Variants in CREM observed in about 807,000 individuals in gnomAD.
CREM encodes cAMP-responsive element modulator.
A neutral mutation model predicts 37.3 loss-of-function variants in CREM; 13 were observed. The observed-to-expected ratio is 0.35, with a 90% CI of 0.23 to 0.55. CREM has a LOEUF of 0.55. Among genes scored for constraint, CREM ranks in the 20% least tolerant of loss-of-function variants. The pLI is 0.88. For missense variants in CREM, 296 were observed against 362.3 expected (o/e 0.82, Z 1.49); for synonymous variants, 124 against 120.2 (o/e 1.03, Z -0.21).
intron 7 of CREM, 93 bp downstream of exon 7, chr10:35,207,144 G>C (rs993762391): frequency 2.2e-6 from 3 of 1,362,422 alleles, no homozygotes; most frequent in East Asian, 5.2e-5. Context: ...TGTAATCCCA[G>C]CACTTTGGGA....
At chr10:35,175,704 T>C (rs1564882616) in intron 3 of CREM, 3 of 1,614,126 alleles carry the variant, frequency 1.9e-6, no homozygotes, top group Non-Finnish European at 2.5e-6. Context: ...CACCTCCCGA[T>C]GGTAAGTATC....
rs34532646 is a variant in CREM at position 35,185,106 on chromosome 10, CTT to C, written c.410-3079_410-3078del. Among the ~76,000 whole-genome samples the C allele has an allele frequency of 1.1e-3, 150 of 135,366 alleles. 1 individual carries two copies. The highest frequency in any genetic ancestry group is 2.3e-3 in the African/African-American group (87 of 37,124). 88.8% of individuals were successfully genotyped at this position (135,366 alleles called of 152,430 possible). On this transcript the variant is annotated intron_variant, in intron 5 of 7. Transcript: ENST00000685392. ...CTGCTCTGTTCTAGGCTTTGTACTT[CTT>C]TTTTTTTTTTTTTTGAGACGGAGTT...
At chr10:35,194,412 A>T (rs983801310) in intron 6 of CREM, among the ~76,000 whole-genome samples, 1 of 152,234 alleles carries the variant, frequency 6.6e-6, no homozygotes, top group African/African-American at 2.4e-5. Flanking sequence ...TGGGAAAATA[A>T]GGTATTAGAT....
intron 3 of CREM, among the ~76,000 whole-genome samples, chr10:35,160,584 T>A (rs2093229559): frequency 6.6e-6 from 1 of 152,218 alleles, no homozygotes. Context: ...ATTTTTTTGC[T>A]ATTGTAGACT....
intron 3 of CREM, among the ~76,000 whole-genome samples, chr10:35,168,677 C>G (rs143704192): frequency 0.15 from 22,955 of 152,196 alleles, 1,958 homozygotes; most frequent in East Asian, 0.24. Context: ...TTGCCCATGC[C>G]TATGTCCTGA....
rs773162211 is a variant in CREM at position 35,211,404 on chromosome 10, T to G, written c.*6T>G. 3 of 1,611,762 alleles carry G rather than the reference T, an allele frequency of 1.9e-6. No homozygotes were observed. The highest frequency in any genetic ancestry group is 1.3e-5 in the African/African-American group (1 of 74,798). On this transcript the variant is annotated 3_prime_UTR_variant, in exon 8 of 8. Coordinates refer to ENST00000685392, the MANE Select transcript of CREM (RefSeq NM_183011.2). ...ATTGCCATAAAGTAGAGTAACTGTC[T>G]TTGACTTGGACCTTGTTTACTCTAA... is the stretch of plus-strand genomic sequence containing the variant.
At position 35,187,210 on chromosome 10, in the gene CREM, T is replaced by A. The variant is rs182895508; in HGVS notation, c.410-990T>A. On this transcript the variant is annotated intron_variant, in intron 5 of 7. Coordinates refer to ENST00000685392, the MANE Select transcript of CREM (RefSeq NM_183011.2). ...AAATATATTAATATATAATATATATTATATATTTATATATATAAAATATAT... is the reference window on the plus strand; with the variant it reads ...AAATATATTAATATATAATATATATAATATATTTATATATATAAAATATAT... Among the ~76,000 whole-genome samples, 110 of 104,584 alleles carry A rather than the reference T, an allele frequency of 1.1e-3. 1 individual carries two copies. In the East Asian group the frequency reaches 0.016, roughly 15 times the overall value. 68.6% of individuals were successfully genotyped at this position (104,584 alleles called of 152,430 possible).
intron 1 of CREM, among the ~76,000 whole-genome samples, chr10:35,135,722 A>G (rs1324338219): frequency 0.017 from 79 of 4,754 alleles, 1 homozygote; most frequent in African/African-American, 0.029. Flanking sequence ...CTATTTCTGG[A>G]AAAAAAAAAA....
rs368889619 is a variant in CREM, at chr10:35,201,526, C to A, written c.599-5369C>A. On this transcript the variant is annotated intron_variant, in intron 6 of 7. Transcript: ENST00000685392. ...TGGACTAGAACCCAGACTCCAAACC[C>A]CATGCTTTTTCTGCTGTACCGTGTT... is the stretch of plus-strand genomic sequence containing the variant. 43 of 1,551,408 alleles carry A rather than the reference C, an allele frequency of 2.8e-5. No individual in the cohort carries two copies. In the African/African-American group the frequency reaches 5.5e-4, roughly 20 times the overall value.
chr10:35,186,825 T>A (rs1366950235), intron 5 of CREM, among the ~76,000 whole-genome samples: 2 of 119,822 alleles, frequency 1.7e-5, no homozygotes. Flanking sequence ...ATAACATATA[T>A]ACATATATAG....
At chr10:35,187,788 A>G (rs1401916308) in intron 5 of CREM, among the ~76,000 whole-genome samples, 1 of 151,036 alleles carries the variant, frequency 6.6e-6, no homozygotes, top group Admixed American at 6.6e-5. Flanking sequence ...CACAGGCATG[A>G]GCCACCACAC....
At chr10:35,148,992 C>T (rs1011436931) in intron 3 of CREM, among the ~76,000 whole-genome samples, 1 of 152,164 alleles carries the variant, frequency 6.6e-6, no homozygotes, top group African/African-American at 2.4e-5. Context: ...AAAATAAACA[C>T]ATTTGTTAGT....
chr10:35,135,742 A>G (rs1450337408), intron 1 of CREM, among the ~76,000 whole-genome samples: 3 of 76,488 alleles, frequency 3.9e-5, no homozygotes, highest in Non-Finnish European at 1.0e-4. Flanking sequence ...AAAAAAAAAA[A>G]AGAGAGACAT....
Position 35,211,257 on chromosome 10 carries a change from A to C in CREM, c.759A>C (p.Glu253Asp). The stretch of plus-strand genomic sequence containing the variant: ...ATTTGCCTTGTGTTGCTTCCAGGGA[A>C]GCTGCCCGGGAGTGTCGCAGGAAGA... ...KRELRLMKNR[E>D]AARECRRKKK... is the part of the protein sequence containing the mutation. The change falls in exon 8 of 8, where the codon GAA becomes GAC. Residue 253 changes from glutamate (E) to aspartate (D), a missense_variant. Physicochemically the swap from Glu to Asp is conservative, Grantham distance 45. Coordinates refer to ENST00000685392, the MANE Select transcript of CREM (RefSeq NM_183011.2). 6.2e-7 allele frequency: 1 copy of C among 1,613,084 alleles called. No homozygotes were observed. The highest frequency in any genetic ancestry group is 8.5e-7 in the Non-Finnish European group (1 of 1,179,422).
intron 3 of CREM, 105 bp from the exon 4 acceptor site, chr10:35,178,784 A>G: frequency 1.3e-6 from 1 of 794,912 alleles, no homozygotes; most frequent in Non-Finnish European, 2.0e-6. Flanking sequence ...TTGCTTCCAC[A>G]GCTCCTGGCT....
Position 35,187,176 on chromosome 10 carries a change from T to TA in CREM, c.410-1024_410-1023insA, listed in dbSNP as rs1564922957. Among the ~76,000 whole-genome samples the TA allele has an allele frequency of 2.4e-3, 108 of 45,052 alleles. 1 individual carries two copies. Among genetic ancestry groups the TA allele is most frequent in the South Asian group, 0.01 (18 of 1,724 alleles). 29.6% of individuals were successfully genotyped at this position (45,052 alleles called of 152,430 possible). ...ATATAATATATATTATATATTAATA[T>TA]TAATATATAAATATATTAATATATA... On this transcript the variant is annotated intron_variant, in intron 5 of 7. Transcript: ENST00000685392.
chr10:35,210,983 A>G (rs551549322), intron 7 of CREM, among the ~76,000 whole-genome samples: 1 of 152,342 alleles, frequency 6.6e-6, no homozygotes, highest in Non-Finnish European at 1.5e-5. Flanking sequence ...GTTTACTGAA[A>G]ACAGTTGTGG....
At chr10:35,177,084 A>G (rs1395980811) in intron 3 of CREM, among the ~76,000 whole-genome samples, 2 of 152,332 alleles carry the variant, frequency 1.3e-5, no homozygotes, top group East Asian at 3.9e-4. Flanking sequence ...TGACAAAAAA[A>G]AAAATCTGTG....
At chr10:35,185,949 A>G (rs2094539777) in intron 5 of CREM, among the ~76,000 whole-genome samples, 1 of 152,206 alleles carries the variant, frequency 6.6e-6, no homozygotes, top group Non-Finnish European at 1.5e-5. Context: ...TCTTTCCATA[A>G]TTCTCATAGG....
Sources: gnomAD v4.1 joint callset for allele counts (sites outside exome capture counted in the v4.1 genomes callset) on GRCh38, gnomAD v4.1.1 for gene constraint, MANE v1.5 for transcripts, NCBI Gene and HGNC (gene_info 2026-07-23, HGNC 2026-07-21) for gene names.